CCDC85C: variants seen among roughly 807,000 people sequenced by gnomAD.
The protein encoded by CCDC85C is coiled-coil domain containing 85C, also known as coiled-coil domain-containing protein 85C.
Under a neutral mutation model 38.3 loss-of-function variants are expected in CCDC85C, and 18 were observed. That is an observed-to-expected ratio of 0.47 (90% CI 0.33 to 0.70). The LOEUF (loss-of-function observed/expected upper bound fraction) is 0.70. Among genes scored for constraint, CCDC85C ranks in the 30% least tolerant of loss-of-function variants. The probability of loss-of-function intolerance (pLI) is 0.03; values close to 1 mark genes in which losing one functional copy is unlikely to be tolerated. For synonymous variants in CCDC85C, 264 were observed against 293.8 expected (o/e 0.90, Z 1.04); for missense variants, 566 against 621.2 (o/e 0.91, Z 0.94).
At position 99,510,329 on chromosome 14, in the gene CCDC85C, C is replaced by T. The variant is rs776202450; in HGVS notation, c.*4917G>A. 12 of 1,561,396 alleles carry T rather than the reference C, an allele frequency of 7.7e-6. No individual in the cohort carries two copies. The highest frequency in any genetic ancestry group is 2.8e-5 in the African/African-American group (2 of 71,698). On this transcript the variant is annotated 3_prime_UTR_variant, in exon 6 of 6. Coordinates refer to ENST00000380243, the MANE Select transcript of CCDC85C (RefSeq NM_001144995.2). The stretch of plus-strand genomic sequence containing the variant: ...CCCCACCCCCCTCCAGCTACATGAC[C>T]GGGATGTCCACCACCAGCTCCTACA...
Position 99,516,224 on chromosome 14 carries a change from A to T in CCDC85C, c.1134T>A (p.Ser378Arg), listed in dbSNP as rs372115292. 6.4e-7 allele frequency: 1 copy of T among 1,550,528 alleles called. No homozygotes were observed. The highest frequency in any genetic ancestry group is 8.7e-7 in the Non-Finnish European group (1 of 1,146,810). ...QLQDSCEEDL[S>R]EKEKAIVREM... is the part of the protein sequence containing the mutation. ...CGCGAACGATGGCCTTCTCCTTCTC[A>T]CTCAGGTCCTCCTCACAGCTGTCCT... The change falls in exon 5 of 6, where the codon AGT becomes AGA. Residue 378 changes from serine to arginine, a missense_variant. Transcript: ENST00000380243. The surrounding 1 kb of genome is among the most constrained non-coding windows in gnomAD (Gnocchi z 5.5).
rs954241797 is a variant in CCDC85C, at chr14:99,533,491, C to T, written c.867+2524G>A. Among the ~76,000 whole-genome samples, 5 of 152,248 alleles carry T rather than the reference C, an allele frequency of 3.3e-5. No individual in the cohort carries two copies. Among genetic ancestry groups the T allele is most frequent in the African/African-American group, 1.2e-4 (5 of 41,462 alleles). On this transcript the variant is annotated intron_variant, in intron 2 of 5. Transcript: ENST00000380243. The surrounding 1 kb of genome is among the most constrained non-coding windows in gnomAD (Gnocchi z 4.2). Reference sequence around the variant, plus strand: ...ACTGGATGATCTCTGAATTCCGCGCCCTGGTTGTATGTAACAACAAGCAGG... The same window carrying T: ...ACTGGATGATCTCTGAATTCCGCGCTCTGGTTGTATGTAACAACAAGCAGG...
chr14:99,589,875 G>A (rs1483944184), intron 1 of CCDC85C, among the ~76,000 whole-genome samples: 1 of 152,212 alleles, frequency 6.6e-6, no homozygotes, highest in African/African-American at 2.4e-5. Flanking sequence ...GGTTCCGAGA[G>A]CCCAAGTGAC....
In CCDC85C at chr14:99,502,934, A is replaced by C. The variant is rs1346574897; in HGVS notation, c.*12312T>G. 1 of 1,613,736 alleles carries C rather than the reference A, an allele frequency of 6.2e-7. No homozygotes were observed. Among genetic ancestry groups the C allele is most frequent in the African/African-American group, 1.3e-5 (1 of 74,868 alleles). ...GCAGCAGCAGCCAGCCCAACAGCCC[A>C]AGAAACCCTCTCCGCAGCCCAGTTC... is the stretch of plus-strand genomic sequence containing the variant. On this transcript the variant is annotated 3_prime_UTR_variant, in exon 6 of 6. Transcript: ENST00000380243.
chr14:99,574,741 C>T (rs1392235257), intron 1 of CCDC85C, among the ~76,000 whole-genome samples: 1 of 152,236 alleles, frequency 6.6e-6, no homozygotes, highest in Non-Finnish European at 1.5e-5. Flanking sequence ...GGGGCACCAG[C>T]CGGGTCAGGT....
At chr14:99,528,171 C>T (rs907589320) in intron 2 of CCDC85C, among the ~76,000 whole-genome samples, 1 of 152,124 alleles carries the variant, frequency 6.6e-6, no homozygotes, top group African/African-American at 2.4e-5. Flanking sequence ...AGCCTCCCGA[C>T]CCCCACAAAC....
At chr14:99,580,258 A>C in intron 1 of CCDC85C, 2 of 395,408 alleles carry the variant, frequency 5.1e-6, no homozygotes, top group South Asian at 3.8e-5. Flanking sequence ...AGTGGGTGAC[A>C]GACCAGCTAA....
At chr14:99,524,836 G>A (rs906795373) in intron 2 of CCDC85C, among the ~76,000 whole-genome samples, 5 of 152,132 alleles carry the variant, frequency 3.3e-5, no homozygotes, top group Non-Finnish European at 2.9e-5. Flanking sequence ...GGAGGCAGGG[G>A]GTCCACTGCC....
At chr14:99,549,005 C>T (rs769603636) in intron 1 of CCDC85C, among the ~76,000 whole-genome samples, 2 of 152,094 alleles carry the variant, frequency 1.3e-5, no homozygotes, top group African/African-American at 2.4e-5. Flanking sequence ...TGCTGAGCTC[C>T]GATTCTGGGC....
At chr14:99,570,939 CA>C (rs1898326435) in intron 1 of CCDC85C, among the ~76,000 whole-genome samples, 1 of 152,100 alleles carries the variant, frequency 6.6e-6, no homozygotes. Flanking sequence ...GAAGGCAACC[CA>C]CCCCTGCCTC....
At position 99,591,576 on chromosome 14, in the gene CCDC85C, C is replaced by G. The variant is rs568085474; in HGVS notation, c.793+11591G>C. On this transcript the variant is annotated intron_variant, in intron 1 of 5. Coordinates refer to ENST00000380243, the MANE Select transcript of CCDC85C (RefSeq NM_001144995.2). ...CTGCGCAGGAGGCAGGACGGGGGGGCCACCTGAGGGCCTGCAATGTGCCTT... is the reference window on the plus strand; with the variant it reads ...CTGCGCAGGAGGCAGGACGGGGGGGGCACCTGAGGGCCTGCAATGTGCCTT... 4.3e-3 allele frequency among the ~76,000 whole-genome samples: 649 copies of G among 152,214 alleles called. 6 individuals carry two copies. The highest frequency in any genetic ancestry group is 5.7e-3 in the Non-Finnish European group (388 of 68,006).
chr14:99,556,780 G>A (rs1898018326), intron 1 of CCDC85C, among the ~76,000 whole-genome samples: 1 of 152,222 alleles, frequency 6.6e-6, no homozygotes, highest in Admixed American at 6.5e-5. Context: ...GCCTGCCTCA[G>A]CCTCCCAAAG....
At chr14:99,524,137 C>A (rs944053728) in intron 2 of CCDC85C, among the ~76,000 whole-genome samples, 1 of 147,186 alleles carries the variant, frequency 6.8e-6, no homozygotes, top group Non-Finnish European at 1.5e-5. Flanking sequence ...GGCCAGGACT[C>A]TGCAACAGTA....
In CCDC85C at chr14:99,506,854, C is replaced by A; in HGVS notation, c.*8392G>T. 1.9e-6 allele frequency: 1 copy of A among 517,624 alleles called. No homozygotes were observed. Among genetic ancestry groups the A allele is most frequent in the Non-Finnish European group, 3.5e-6 (1 of 284,566 alleles). 32.1% of individuals were successfully genotyped at this position (517,624 alleles called of 1,614,324 possible). Reference sequence around the variant, plus strand: ...TAGGTAGACATGGAAAATGGGCTGCCTGTGGGAAGCTCGCAGGTCTTTTGG... The same window carrying A: ...TAGGTAGACATGGAAAATGGGCTGCATGTGGGAAGCTCGCAGGTCTTTTGG... On this transcript the variant is annotated 3_prime_UTR_variant, in exon 6 of 6. Coordinates refer to ENST00000380243, the MANE Select transcript of CCDC85C (RefSeq NM_001144995.2).
At chr14:99,585,600 G>A (rs144865996) in intron 1 of CCDC85C, among the ~76,000 whole-genome samples, 13 of 152,338 alleles carry the variant, frequency 8.5e-5, no homozygotes, top group South Asian at 6.2e-4. Context: ...CACCACACAC[G>A]CGTCTTGTTT....
At chr14:99,549,926 G>A (rs143099110) in intron 1 of CCDC85C, among the ~76,000 whole-genome samples, 23 of 152,308 alleles carry the variant, frequency 1.5e-4, no homozygotes, top group African/African-American at 4.8e-4. Context: ...CACAAGCTGT[G>A]TGCCCGTGAG....
rs1395641383 is a variant in CCDC85C, at chr14:99,520,818, G to A, written c.975+1315C>T. ...TCCAAAGTAGGGGACACCCCTTCAT[G>A]CACAGAGCAGTCTAGAGGAAAAAAG... On this transcript the variant is annotated intron_variant, in intron 3 of 5. Coordinates refer to ENST00000380243, the MANE Select transcript of CCDC85C (RefSeq NM_001144995.2). The surrounding 1 kb of genome is among the most constrained non-coding windows in gnomAD (Gnocchi z 4.1). 6.6e-6 allele frequency among the ~76,000 whole-genome samples: 1 copy of A among 152,216 alleles called. No homozygotes were observed. The highest frequency in any genetic ancestry group is 2.4e-5 in the African/African-American group (1 of 41,462).
intron 1 of CCDC85C, chr14:99,580,117 T>C (rs1170720025): frequency 1.1e-5 from 5 of 455,596 alleles, no homozygotes; most frequent in Non-Finnish European, 2.2e-5. Flanking sequence ...GCAAAGTGGC[T>C]GGAGCTGCTG....
At chr14:99,540,155 G>GT (rs1566766778) in intron 1 of CCDC85C, among the ~76,000 whole-genome samples, 1 of 54,406 alleles carries the variant, frequency 1.8e-5, no homozygotes, top group African/African-American at 4.4e-5. Context: ...TAAAAAAAAA[G>GT]GGGGGGGAAC....
Sources: gnomAD v4.1 joint callset for allele counts (sites outside exome capture counted in the v4.1 genomes callset) on GRCh38, gnomAD v4.1.1 for gene constraint, Gnocchi (gnomAD v3.1) non-coding constraint, MANE v1.5 for transcripts, NCBI Gene and HGNC (gene_info 2026-07-23, HGNC 2026-07-21) for gene names.